SRFBP1: variants seen among roughly 807,000 people sequenced by gnomAD.
The protein encoded by SRFBP1 is serum response factor binding protein 1, also known as serum response factor-binding protein 1.
A neutral mutation model predicts 45.5 loss-of-function variants in SRFBP1; 47 were observed. The observed-to-expected ratio is 1.03, with a 90% confidence interval of 0.82 to 1.32. The LOEUF (loss-of-function observed/expected upper bound fraction) is 1.32. Among genes scored for constraint, SRFBP1 ranks in the 40% most tolerant of loss-of-function variants. The pLI is 0.00. For synonymous variants in SRFBP1, 203 were observed against 166.3 expected, an observed-to-expected ratio of 1.22 and a Z score of -1.70; for missense variants, 621 against 484.6, an observed-to-expected ratio of 1.28 and a Z score of -2.64.
At position 122,019,957 on chromosome 5, in the gene SRFBP1, T is replaced by C. The variant is rs551022997; in HGVS notation, c.353-131T>C. 475 of 536,386 alleles carry C rather than the reference T, an allele frequency of 8.9e-4. 6 individuals are homozygous for C. The South Asian group carries it at 0.017, about 19-fold the overall frequency. 33.2% of individuals were successfully genotyped at this position (536,386 alleles called of 1,614,324 possible). ...GATTTCTTTGTGAATTCAGACCGAG[T>C]ATATGTATTTAATATCAATTCCAAC... On this transcript the variant is annotated intron_variant, in intron 5 of 7. Coordinates refer to ENST00000339397, the MANE Select transcript of SRFBP1 (RefSeq NM_152546.3).
chr5:122,032,942 T>C (rs1666558210), downstream of SRFBP1, among the ~76,000 whole-genome samples: 2 of 152,290 alleles, frequency 1.3e-5, no homozygotes, highest in South Asian at 4.1e-4. Context: ...TTTATTTGTT[T>C]TTTTGTTTTT....
chr5:122,064,706 G>T (rs555835575), intron 2 of SRFBP1: 1 of 151,816 alleles, frequency 6.6e-6, no homozygotes, highest in Non-Finnish European at 1.5e-5. Context: ...ACTTATTGAG[G>T]TTATAGACAG....
chr5:121,994,640 T>G lies in SRFBP1; in HGVS notation c.240T>G (p.Asp80Glu). The change falls in exon 4 of 8, where the codon GAT becomes GAG. Residue 80 changes from aspartate to glutamate, a missense_variant. Asp to Glu is a conservative substitution (Grantham distance 45). Coordinates refer to ENST00000339397, the MANE Select transcript of SRFBP1 (RefSeq NM_152546.3). ...PDIVTKSALGDDINFEKIFKK... is the reference protein window; with the variant it reads ...PDIVTKSALGEDINFEKIFKK... ...TAGTAACTAAATCTGCTCTTGGTGA[T>G]GATATCAACTTTGAAAAAATCTTCA... 1 of 1,597,064 alleles carries G rather than the reference T, an allele frequency of 6.3e-7. No homozygotes were observed. The highest frequency in any genetic ancestry group is 2.3e-5 in the East Asian group (1 of 44,384).
At position 122,020,775 on chromosome 5, in the gene SRFBP1, C is replaced by T; in HGVS notation, c.1040C>T (p.Ser347Phe). The stretch of plus-strand genomic sequence containing the variant: ...AAGTTAGAATCAGTGTTTTTCCACT[C>T]TTTATCTGGATCTAAAAGCTCTAGA... ...TRKLESVFFH[S>F]LSGSKSSRRN... The change falls in exon 6 of 8, where the codon TCT (serine) becomes TTT (phenylalanine). Residue 347 changes from serine to phenylalanine, a missense_variant. Ser to Phe is a radical substitution (Grantham distance 155). Transcript: ENST00000339397. 6.3e-7 allele frequency: 1 copy of T among 1,578,310 alleles called. No homozygotes were observed. The highest frequency in any genetic ancestry group is 1.2e-5 in the South Asian group (1 of 84,270).
chr5:122,029,360 C>A (rs2112719223), downstream of SRFBP1, among the ~76,000 whole-genome samples: 1 of 152,262 alleles, frequency 6.6e-6, no homozygotes, highest in Admixed American at 6.5e-5. Context: ...CTGGTCAGAA[C>A]ACAAACTATA....
chr5:121,974,060 A>G, intron 1 of SRFBP1, 136 bp from the exon 2 acceptor site: 1 of 568,924 alleles, frequency 1.8e-6, no homozygotes, highest in Non-Finnish European at 3.1e-6. Flanking sequence ...GTTTGATTTC[A>G]TCAAGCTACG....
At chr5:121,985,672 A>T (rs1752498578) in intron 3 of SRFBP1, among the ~76,000 whole-genome samples, 1 of 151,972 alleles carries the variant, frequency 6.6e-6, no homozygotes, top group Non-Finnish European at 1.5e-5. Context: ...CCTAACAAGT[A>T]AAAATAACTT....
rs749354594 is a variant in SRFBP1 at position 122,066,629 on chromosome 5, T to G, written n.312-8686T>G. On this transcript the variant is annotated intron_variant and non_coding_transcript_variant, in intron 2 of 2. Coordinates refer to the SRFBP1 transcript ENST00000504881. ...AAAACAGTCCAAACAAAAATTCTTT[T>G]GTTGTTTTCTGTTCTCTTTTTCAAA... 7.0e-6 allele frequency: 6 copies of G among 852,840 alleles called. No homozygotes were observed. In the Middle Eastern group the frequency reaches 1.2e-3, roughly 168 times the overall value. The allele number at this position is 852,840 out of a possible 1,614,324, so 52.8% of individuals were successfully genotyped here.
Position 122,027,294 on chromosome 5 carries a change from G to A in SRFBP1, c.*168G>A. The A allele has an allele frequency of 1.9e-6, 1 of 523,050 alleles. No homozygotes were observed. The highest frequency in any genetic ancestry group is 3.3e-6 in the Non-Finnish European group (1 of 299,434). The allele number at this position is 523,050 out of a possible 1,614,324, so 32.4% of individuals were successfully genotyped here. On this transcript the variant is annotated 3_prime_UTR_variant, in exon 8 of 8. Transcript: ENST00000339397. ...TCCCACCTCTGCCTCCCAAAGGGCT[G>A]GGACTGCAGGTGCATGCACTACCAT...
chr5:122,077,597 G>C, downstream of SRFBP1: 1 of 1,612,528 alleles, frequency 6.2e-7, no homozygotes, highest in Non-Finnish European at 8.5e-7. This position sits in a 1 kb window ranked among gnomAD's most constrained non-coding sequence, Gnocchi z 4.9. Context: ...TCTAGATGTC[G>C]AGTAGCCAGC....
chr5:121,976,892 C>A (rs921734603), intron 3 of SRFBP1, among the ~76,000 whole-genome samples: 3 of 140,478 alleles, frequency 2.1e-5, no homozygotes, highest in African/African-American at 9.2e-5. Context: ...TATATACATA[C>A]ACACACACTA....
chr5:121,986,987 T>A (rs1220927877), intron 3 of SRFBP1, among the ~76,000 whole-genome samples: 1 of 152,070 alleles, frequency 6.6e-6, no homozygotes, highest in Non-Finnish European at 1.5e-5. Context: ...AAAGATACAT[T>A]AAGGCCGAGT....
Position 122,006,099 on chromosome 5 carries a change from C to T in SRFBP1, c.270+11429C>T, listed in dbSNP as rs1174063987. Reference sequence around the variant, plus strand: ...AAGACAGGTCTGGTGGTAATGAGCTCTCTCAGCTTTTGTCTGGGAATGTTT... The same window carrying T: ...AAGACAGGTCTGGTGGTAATGAGCTTTCTCAGCTTTTGTCTGGGAATGTTT... On this transcript the variant is annotated intron_variant, in intron 4 of 7. Coordinates refer to ENST00000339397, the MANE Select transcript of SRFBP1 (RefSeq NM_152546.3). Among the ~76,000 whole-genome samples the T allele has an allele frequency of 2.0e-5, 3 of 152,262 alleles. No homozygotes were observed. In the South Asian group the frequency reaches 6.2e-4, roughly 32 times the overall value.
chr5:122,044,836 T>C (rs928992638), intron 2 of SRFBP1, among the ~76,000 whole-genome samples: 3 of 152,204 alleles, frequency 2.0e-5, no homozygotes, highest in Non-Finnish European at 2.9e-5. Context: ...ATAGTTTCTT[T>C]TGCTGTGCAA....
intron 3 of SRFBP1, among the ~76,000 whole-genome samples, chr5:121,988,048 G>T (rs1368856833): frequency 1.3e-5 from 2 of 152,174 alleles, no homozygotes; most frequent in Non-Finnish European, 2.9e-5. Flanking sequence ...GCAAAAAGTG[G>T]CATCTAGCAC....
At chr5:122,002,880 A>T (rs1752899729) in intron 4 of SRFBP1, among the ~76,000 whole-genome samples, 2 of 152,208 alleles carry the variant, frequency 1.3e-5, no homozygotes, top group Non-Finnish European at 2.9e-5. Context: ...AAGCACTCTG[A>T]TGCTACATTT....
At chr5:122,012,960 A>G (rs1047810517) in intron 4 of SRFBP1, among the ~76,000 whole-genome samples, 21 of 152,172 alleles carry the variant, frequency 1.4e-4, no homozygotes, top group African/African-American at 4.3e-4. Context: ...TTGCATTTCA[A>G]CTAGTGTTGC....
chr5:122,032,422 A>C (rs541982944), downstream of SRFBP1, among the ~76,000 whole-genome samples: 35 of 147,648 alleles, frequency 2.4e-4, no homozygotes, highest in East Asian at 2.6e-3. Flanking sequence ...AATAAATCTC[A>C]TTAATCCCTG....
chr5:122,030,765 T>A (rs555869450), downstream of SRFBP1, among the ~76,000 whole-genome samples: 1 of 152,290 alleles, frequency 6.6e-6, no homozygotes, highest in African/African-American at 2.4e-5. Flanking sequence ...TTTTTTCTAT[T>A]ACTCTTTTTA....
Sources: gnomAD v4.1 joint callset for allele counts (sites outside exome capture counted in the v4.1 genomes callset) on GRCh38, gnomAD v4.1.1 for gene constraint, Gnocchi (gnomAD v3.1) non-coding constraint, MANE v1.5 for transcripts, NCBI Gene and HGNC (gene_info 2026-07-23, HGNC 2026-07-21) for gene names.